MAP2K7: variants seen among roughly 807,000 people sequenced by gnomAD.
The protein encoded by MAP2K7 is mitogen-activated protein kinase kinase 7.
Under a neutral mutation model 47.7 loss-of-function variants are expected in MAP2K7, and 12 were observed. The observed-to-expected ratio is 0.25, with a 90% confidence interval of 0.16 to 0.41. The LOEUF is 0.41. Ranked by LOEUF, MAP2K7 falls within the 10% of genes least tolerant of loss-of-function variation. The pLI is 1.00. For missense variants in MAP2K7, 415 were observed against 600.3 expected (o/e 0.69, Z 3.23); for synonymous variants, 299 against 243.0 (o/e 1.23, Z -2.14).
chr19:7,909,207 C>T (rs1051777447), intron 1 of MAP2K7, among the ~76,000 whole-genome samples: 1 of 152,212 alleles, frequency 6.6e-6, no homozygotes, highest in Non-Finnish European at 1.5e-5. Flanking sequence ...TCCCTGACCC[C>T]GGAACAGAAG....
Position 7,912,359 on chromosome 19 carries a change from T to C in MAP2K7, c.1188T>C (p.Asp396=). 6.2e-7 allele frequency: 1 copy of C among 1,613,340 alleles called. No homozygotes were observed. The highest frequency in any genetic ancestry group is 8.5e-7 in the Non-Finnish European group (1 of 1,179,980). ...TGGACGTGGCGTCCTGGTTCAAGGA[T>C]GTCATGGCGAAGACTGAGTCACCGC... The part of the protein sequence containing the change: ...LEVDVASWFK[D]VMAKTESPRT... The change falls in exon 11 of 11, where the codon GAT becomes GAC. Residue 396 remains aspartate (D), a synonymous_variant. Coordinates refer to ENST00000397979, the MANE Select transcript of MAP2K7 (RefSeq NM_145185.4).
At position 7,909,830 on chromosome 19, in the gene MAP2K7, C is replaced by G. The variant is rs1044083059; in HGVS notation, c.200C>G (p.Pro67Arg). Residue 67 changes from proline to arginine, a missense_variant, in exon 2 of 11, where the codon CCC (proline) becomes CGC (arginine). By Grantham distance (103) the Pro-to-Arg change is moderately radical. Transcript: ENST00000397979. ...GAGAGCTCCCCGCAGCACCCCACGC[C>G]CCCCGCCCGGCCCCGCCACATGCTG... is the stretch of plus-strand genomic sequence containing the variant. ...SSESSPQHPTPPARPRHMLGL... is the reference protein window; with the variant it reads ...SSESSPQHPTRPARPRHMLGL... The G allele has an allele frequency of 6.5e-7, 1 of 1,541,402 alleles. No homozygotes were observed. Among genetic ancestry groups the G allele is most frequent in the South Asian group, 1.2e-5 (1 of 83,590 alleles).
rs201101315 is a variant in MAP2K7, at chr19:7,912,383, G to T, written c.1212G>T (p.Pro404=). The T allele has an allele frequency of 1.6e-3, 2,624 of 1,613,002 alleles. 7 individuals are homozygous for T. Among genetic ancestry groups the T allele is most frequent in the Middle Eastern group, 4.1e-3 (25 of 6,060 alleles). The change falls in exon 11 of 11, where the codon CCG becomes CCT. Residue 404 remains proline, a synonymous_variant. Transcript: ENST00000397979. The part of the protein sequence containing the change: ...FKDVMAKTES[P]RTSGVLSQPH... ...ATGTCATGGCGAAGACTGAGTCACC[G>T]CGGACTAGCGGCGTCCTGAGCCAGC... is the stretch of plus-strand genomic sequence containing the variant.
intron 1 of MAP2K7, chr19:7,905,694 C>A: frequency 1.1e-6 from 1 of 902,806 alleles, no homozygotes; most frequent in South Asian, 1.4e-5. Context: ...CTCTGCAGTT[C>A]GGTGCCTCCC....
chr19:7,910,443 G>A lies in MAP2K7; in HGVS notation c.448-10G>A, dbSNP rs1210947440. 6.2e-7 allele frequency: 1 copy of A among 1,605,240 alleles called. No individual in the cohort carries two copies. ...GGTGCTGAGGCTCCCTCCTGTCCCT[G>A]CCTGTGCAGCAAATGCGGCGCTCCG... On this transcript the variant is annotated splice_polypyrimidine_tract_variant and intron_variant, in intron 4 of 10. Coordinates refer to ENST00000397979, the MANE Select transcript of MAP2K7 (RefSeq NM_145185.4).
At chr19:7,910,401 G>A (rs749643554) in intron 4 of MAP2K7, 28 bp downstream of exon 4, 20 of 1,605,222 alleles carry the variant, frequency 1.2e-5, no homozygotes, top group African/African-American at 5.4e-5. Context: ...CCCCGGCTGC[G>A]CCCCACACCC....
Position 7,914,143 on chromosome 19 carries a change from C to G in MAP2K7, c.*1712C>G, listed in dbSNP as rs543694053. On this transcript the variant is annotated 3_prime_UTR_variant, in exon 11 of 11. Transcript: ENST00000397979. ...CCCAGGGCCAGCACAGGCCCGAGGCCGGGCTGCCTGGTTTTATTTTTATTT... is the reference window on the plus strand; with the variant it reads ...CCCAGGGCCAGCACAGGCCCGAGGCGGGGCTGCCTGGTTTTATTTTTATTT... 3.9e-5 allele frequency: 6 copies of G among 152,380 alleles called. 1 individual carries two copies. Among genetic ancestry groups the G allele is most frequent in the Admixed American group, 2.6e-4 (4 of 15,308 alleles). The allele number at this position is 152,380 out of a possible 1,614,324, so 9.4% of individuals were successfully genotyped here. A position where few individuals can be genotyped will look rare whatever the true frequency, so the allele number is the denominator to read the frequency against.
intron 1 of MAP2K7, among the ~76,000 whole-genome samples, chr19:7,907,692 G>C (rs535530752): frequency 3.9e-4 from 59 of 152,304 alleles, no homozygotes; most frequent in Admixed American, 1.4e-3. Flanking sequence ...CCAGGCTCCG[G>C]GGCCACCCTC....
intron 9 of MAP2K7, 81 bp from the exon 10 acceptor site, chr19:7,912,068 G>C: frequency 7.3e-7 from 1 of 1,363,528 alleles, no homozygotes; most frequent in Non-Finnish European, 1.0e-6. Flanking sequence ...CTGGCCCCTT[G>C]GGGAGGGCCT....
intron 1 of MAP2K7, among the ~76,000 whole-genome samples, chr19:7,904,977 A>C: frequency 6.7e-6 from 1 of 149,194 alleles, no homozygotes; most frequent in African/African-American, 2.5e-5. Context: ...CTCGGTACCT[A>C]CCTCCCTGAC....
chr19:7,912,600 C>G lies in MAP2K7; in HGVS notation c.*169C>G. On this transcript the variant is annotated 3_prime_UTR_variant, in exon 11 of 11. Coordinates refer to ENST00000397979, the MANE Select transcript of MAP2K7 (RefSeq NM_145185.4). ...ACCCACCCCCCCCGCCCCGGGCCTA[C>G]CAAGCCCCCGCCCTTCCCACCCCGG... 1 of 797,438 alleles carries G rather than the reference C, an allele frequency of 1.3e-6. No individual in the cohort carries two copies. 49.4% of individuals were successfully genotyped at this position (797,438 alleles called of 1,614,324 possible).
chr19:7,904,766 G>C (rs1982338123), intron 1 of MAP2K7, among the ~76,000 whole-genome samples: 1 of 152,082 alleles, frequency 6.6e-6, no homozygotes, highest in Non-Finnish European at 1.5e-5. Context: ...ATCTTGGTGA[G>C]CGTGTGGTGT....
chr19:7,912,819 T>G lies in MAP2K7; in HGVS notation c.*388T>G. 8.4e-6 allele frequency: 2 copies of G among 239,228 alleles called. No homozygotes were observed. The highest frequency in any genetic ancestry group is 2.3e-5 in the African/African-American group (1 of 43,624). The allele number at this position is 239,228 out of a possible 1,614,324, so 14.8% of individuals were successfully genotyped here. A position where few individuals can be genotyped will look rare whatever the true frequency, so the allele number is the denominator to read the frequency against. ...GTCCTTCGCCACTCCCACGCGCCCG[T>G]TCCTCTTCCGTCGCCCTCTGTCCCC... is the stretch of plus-strand genomic sequence containing the variant. On this transcript the variant is annotated 3_prime_UTR_variant, in exon 11 of 11. Transcript: ENST00000397979.
chr19:7,909,720 A>G, intron 1 of MAP2K7, 35 bp from the exon 2 acceptor site: 11 of 1,283,922 alleles, frequency 8.6e-6, no homozygotes, highest in Non-Finnish European at 1.2e-5. Context: ...CTGGGCGCTG[A>G]CCCCCCTCCC....
chr19:7,904,194 C>T (rs919500008), intron 1 of MAP2K7, 126 bp downstream of exon 1: 2 of 798,216 alleles, frequency 2.5e-6, no homozygotes, highest in Non-Finnish European at 1.6e-6. Context: ...CCGCCCCCCC[C>T]GCTGCGGGCT....
In MAP2K7 at chr19:7,912,243, G is replaced by C. The variant is rs201936214; in HGVS notation, c.1125+49G>C. ...CCCCGTCCTGTCCCTGCGGAGGCGC[G>C]AGGCCAGGAGGGAAGACCGTCTCCT... On this transcript the variant is annotated intron_variant, in intron 10 of 10. Coordinates refer to ENST00000397979, the MANE Select transcript of MAP2K7 (RefSeq NM_145185.4). 3 of 1,613,502 alleles carry C rather than the reference G, an allele frequency of 1.9e-6. No homozygotes were observed. In the South Asian group the frequency reaches 3.3e-5, roughly 18 times the overall value.
chr19:7,903,907 C>A lies in MAP2K7; in HGVS notation c.-38C>A, dbSNP rs756988685. The A allele has an allele frequency of 1.4e-6, 2 of 1,448,630 alleles. No homozygotes were observed. Among genetic ancestry groups the A allele is most frequent in the East Asian group, 2.9e-5 (1 of 34,614 alleles). 89.7% of individuals were successfully genotyped at this position (1,448,630 alleles called of 1,614,324 possible). A position where few individuals can be genotyped will look rare whatever the true frequency, so the allele number is the denominator to read the frequency against. ...GGTGTTTGTCTGCCGGACTGACGGG[C>A]GGCCGGGCGGTGCGCGGCGGCGGTG... On this transcript the variant is annotated 5_prime_UTR_variant, in exon 1 of 11. Coordinates refer to ENST00000397979, the MANE Select transcript of MAP2K7 (RefSeq NM_145185.4).
At chr19:7,910,889 T>C in intron 6 of MAP2K7, 86 bp downstream of exon 6, 1 of 1,574,190 alleles carries the variant, frequency 6.4e-7, no homozygotes, top group Non-Finnish European at 8.6e-7. Flanking sequence ...AAGATGACAG[T>C]GGCGGTGAGT....
intron 1 of MAP2K7, chr19:7,907,051 A>G (rs1982506672): frequency 6.6e-6 from 1 of 152,464 alleles, no homozygotes; most frequent in African/African-American, 2.4e-5. Flanking sequence ...ATCTCAAAAA[A>G]AAAAAAAACA....
Sources: allele counts gnomAD v4.1 joint callset (sites outside exome capture counted in the v4.1 genomes callset), GRCh38; gene constraint gnomAD v4.1.1; transcripts MANE v1.5; gene names NCBI Gene and HGNC (gene_info 2026-07-23, HGNC 2026-07-21).